Variants in TMEM132B observed in about 807,000 individuals in gnomAD.
The protein encoded by TMEM132B is transmembrane protein 132B.
Under a neutral mutation model 90.8 loss-of-function variants are expected in TMEM132B, and 18 were observed. The observed-to-expected ratio is 0.20, with a 90% CI of 0.14 to 0.29. The LOEUF (loss-of-function observed/expected upper bound fraction) is 0.29, where lower values mean the gene tolerates loss of function less well. Ranked by LOEUF, TMEM132B falls within the 10% of genes least tolerant of loss-of-function variation. The pLI, the probability that TMEM132B is intolerant of heterozygous loss-of-function variation, is 1.00. For synonymous variants in TMEM132B, 504 were observed against 523.3 expected (o/e 0.96, Z 0.50); for missense variants, 1,096 against 1,326.8 (o/e 0.83, Z 2.70).
chr12:125,413,103 A>T (rs1291020315), intron 2 of TMEM132B, among the ~76,000 whole-genome samples: 1 of 152,134 alleles, frequency 6.6e-6, no homozygotes, highest in Non-Finnish European at 1.5e-5. Context: ...ATATGCAGAC[A>T]TTTGAATCTC....
rs1303588763 is a variant in TMEM132B, at chr12:125,658,558, C to T, written c.*3848C>T. The T allele has an allele frequency of 6.6e-6, 1 of 152,200 alleles. No homozygotes were observed. The highest frequency in any genetic ancestry group is 6.5e-5 in the Admixed American group (1 of 15,280). The allele number at this position is 152,200 out of a possible 1,614,324, so 9.4% of individuals were successfully genotyped here. On this transcript the variant is annotated 3_prime_UTR_variant, in exon 9 of 9. Coordinates refer to ENST00000682704, the MANE Select transcript of TMEM132B (RefSeq NM_001366854.1). ...TGGTTTATAGACTCAGCAGCCCTCA[C>T]CTTTTATTAAAATTATATATGTGTG...
chr12:125,568,486 C>T (rs1884714499), intron 4 of TMEM132B, among the ~76,000 whole-genome samples: 1 of 152,154 alleles, frequency 6.6e-6, no homozygotes, highest in East Asian at 1.9e-4. Flanking sequence ...TAGACTCCCG[C>T]TCTCAAGGTC....
intron 5 of TMEM132B, among the ~76,000 whole-genome samples, chr12:125,598,917 G>A (rs533962953): frequency 8.7e-4 from 132 of 152,294 alleles, no homozygotes; most frequent in African/African-American, 3.1e-3. Context: ...ATGGATCTAT[G>A]TCAGGATACT....
At chr12:125,354,011 T>C (rs1018144752) in intron 2 of TMEM132B, among the ~76,000 whole-genome samples, 7 of 152,214 alleles carry the variant, frequency 4.6e-5, no homozygotes, top group African/African-American at 1.2e-4. Flanking sequence ...AATAGCATCC[T>C]TGGGGCCTTT....
At chr12:125,352,067 A>G (rs1566010759) in intron 2 of TMEM132B, among the ~76,000 whole-genome samples, 1 of 152,188 alleles carries the variant, frequency 6.6e-6, no homozygotes, top group Non-Finnish European at 1.5e-5. Context: ...CTGTTGTGAA[A>G]CCAGGATTAA....
At chr12:125,237,964 T>G (rs977652449) in intron 1 of TMEM132B, among the ~76,000 whole-genome samples, 1 of 152,126 alleles carries the variant, frequency 6.6e-6, no homozygotes, top group Non-Finnish European at 1.5e-5. Context: ...AGGAGCAGAC[T>G]CGATGTCCCA....
chr12:125,543,144 T>C (rs1413442490), intron 4 of TMEM132B, among the ~76,000 whole-genome samples: 4 of 152,242 alleles, frequency 2.6e-5, no homozygotes, highest in South Asian at 4.1e-4. Context: ...TTCTAGGCTC[T>C]ACTTTTCTCA....
rs546164833 is a variant in TMEM132B, at chr12:125,456,090, C to T, written c.1106+40413C>T. 5.3e-5 allele frequency among the ~76,000 whole-genome samples: 8 copies of T among 152,292 alleles called. No individual in the cohort carries two copies. The East Asian group carries it at 7.7e-4, about 15-fold the overall frequency. Reference sequence around the variant, plus strand: ...AAACAAGTGGCAGGCCGAATTTGGCCCATGGGCTGCAGTTTGTGACCCTTA... The same window carrying T: ...AAACAAGTGGCAGGCCGAATTTGGCTCATGGGCTGCAGTTTGTGACCCTTA... On this transcript the variant is annotated intron_variant, in intron 3 of 8. Transcript: ENST00000682704.
intron 3 of TMEM132B, among the ~76,000 whole-genome samples, chr12:125,469,555 T>G (rs1370918000): frequency 6.6e-6 from 1 of 152,036 alleles, no homozygotes; most frequent in Non-Finnish European, 1.5e-5. Flanking sequence ...ATGAGGCCAG[T>G]GAGAAGTAGA....
intron 4 of TMEM132B, among the ~76,000 whole-genome samples, chr12:125,581,963 T>C (rs1885063870): frequency 6.6e-6 from 1 of 152,198 alleles, no homozygotes; most frequent in African/African-American, 2.4e-5. Context: ...AGTACAGTTC[T>C]GTTCTTTTGG....
chr12:125,531,260 A>T (rs1168998038), intron 4 of TMEM132B, among the ~76,000 whole-genome samples: 1 of 152,138 alleles, frequency 6.6e-6, no homozygotes, highest in Non-Finnish European at 1.5e-5. Context: ...TTCATAGCTC[A>T]CTGCAGCCTT....
chr12:125,580,577 A>AGAAAGTGT (rs1325030603), intron 4 of TMEM132B, among the ~76,000 whole-genome samples: 1 of 152,238 alleles, frequency 6.6e-6, no homozygotes, highest in African/African-American at 2.4e-5. Flanking sequence ...CTACAGCACT[A>AGAAAGTGT]GAAAGTGTGA....
intron 3 of TMEM132B, among the ~76,000 whole-genome samples, chr12:125,426,542 CCT>C (rs1880324275): frequency 6.6e-6 from 1 of 152,222 alleles, no homozygotes; most frequent in South Asian, 2.1e-4. Flanking sequence ...ATTTTTGGCC[CCT>C]GAGTCTTCCT....
intron 1 of TMEM132B, among the ~76,000 whole-genome samples, chr12:125,299,960 A>G (rs185307882): frequency 7.7e-4 from 118 of 152,326 alleles, no homozygotes; most frequent in Non-Finnish European, 1.4e-3. Context: ...CACTCAGAGC[A>G]AGAACCCCAA....
At chr12:125,613,222 AT>A (rs1885905203) in intron 5 of TMEM132B, among the ~76,000 whole-genome samples, 1 of 128,078 alleles carries the variant, frequency 7.8e-6, no homozygotes, top group African/African-American at 2.9e-5. Flanking sequence ...CACCCACTAT[AT>A]TATATATATA....
At chr12:125,387,138 C>CT (rs1566020021) in intron 2 of TMEM132B, among the ~76,000 whole-genome samples, 2 of 72,412 alleles carry the variant, frequency 2.8e-5, no homozygotes, top group Admixed American at 2.3e-4. Flanking sequence ...TTTGCCTCTG[C>CT]TTTTTTCTGG....
intron 4 of TMEM132B, among the ~76,000 whole-genome samples, chr12:125,552,927 T>C (rs1884271892): frequency 6.6e-6 from 1 of 152,226 alleles, no homozygotes; most frequent in Non-Finnish European, 1.5e-5. Context: ...TCTGTTCTCA[T>C]TGAGTGGCCT....
chr12:125,222,949 C>G (rs1165741743), intron 1 of TMEM132B, among the ~76,000 whole-genome samples: 1 of 152,216 alleles, frequency 6.6e-6, no homozygotes, highest in Non-Finnish European at 1.5e-5. Context: ...AAGGATCAGG[C>G]AGGAACTGTA....
At chr12:125,619,458 G>A (rs990930233) in intron 5 of TMEM132B, among the ~76,000 whole-genome samples, 2 of 152,002 alleles carry the variant, frequency 1.3e-5, no homozygotes, top group East Asian at 1.9e-4. Flanking sequence ...TCTGCCTCCC[G>A]GGTTCAAGCA....
Sources: allele counts gnomAD v4.1 joint callset (sites outside exome capture counted in the v4.1 genomes callset), GRCh38; gene constraint gnomAD v4.1.1; transcripts MANE v1.5; gene names NCBI Gene and HGNC (gene_info 2026-07-23, HGNC 2026-07-21).